Variants in MAU2 observed in about 807,000 individuals in gnomAD.
The protein encoded by MAU2 is MAU2 sister chromatid cohesion factor, also known as MAU2 chromatid cohesion factor homolog.
MAU2 carries 9 observed loss-of-function variants against 89.1 expected under a neutral mutation model. That is an observed-to-expected ratio of 0.10 (90% CI 0.06 to 0.18). The LOEUF is 0.18. Ranked by LOEUF, MAU2 falls within the 10% of genes least tolerant of loss-of-function variation. The probability of loss-of-function intolerance (pLI) is 1.00; values close to 1 mark genes in which losing one functional copy is unlikely to be tolerated. For synonymous variants in MAU2, 357 were observed against 343.4 expected (o/e 1.04, Z -0.44); for missense variants, 425 against 803.5 (o/e 0.53, Z 5.69).
At chr19:19,325,899 T>C (rs959583324) in intron 1 of MAU2, among the ~76,000 whole-genome samples, 1 of 152,180 alleles carries the variant, frequency 6.6e-6, no homozygotes, top group Non-Finnish European at 1.5e-5. Flanking sequence ...TCTTTTGCTT[T>C]CTCTCTAAGA....
At chr19:19,342,138 A>G (rs1446020148) in intron 7 of MAU2, among the ~76,000 whole-genome samples, 1 of 152,106 alleles carries the variant, frequency 6.6e-6, no homozygotes, top group Non-Finnish European at 1.5e-5. Flanking sequence ...CCTCAGGGCG[A>G]GATGGACCAC....
intron 1 of MAU2, among the ~76,000 whole-genome samples, chr19:19,321,337 C>A (rs531424155): frequency 1.3e-5 from 2 of 152,316 alleles, no homozygotes; most frequent in East Asian, 1.9e-4. Flanking sequence ...TCGCCCCCCA[C>A]GCCTTATTTC....
At chr19:19,351,184 G>A (rs1434714359) in intron 16 of MAU2, among the ~76,000 whole-genome samples, 1 of 151,886 alleles carries the variant, frequency 6.6e-6, no homozygotes, top group African/African-American at 2.4e-5. Context: ...CAAGTAGCTG[G>A]GGCCACAGGT....
At chr19:19,324,826 T>C (rs1020901073) in intron 1 of MAU2, among the ~76,000 whole-genome samples, 14 of 152,350 alleles carry the variant, frequency 9.2e-5, no homozygotes, top group South Asian at 2.1e-4. Context: ...TTAGTTAAAG[T>C]AATGTTTTCT....
chr19:19,342,630 T>G lies in MAU2; in HGVS notation c.831T>G (p.Ala277=). The stretch of plus-strand genomic sequence containing the variant: ...ATGAGATCCTGCCCAGCAACCCCGC[T>G]GACCTCTTCCACTGGCTGCCCAAGG... The part of the protein sequence containing the change: ...HDDEILPSNP[A]DLFHWLPKEH... Residue 277 remains alanine, a synonymous_variant, in exon 8 of 19, where the codon GCT becomes GCG. Transcript: ENST00000262815. The G allele has an allele frequency of 6.2e-7, 1 of 1,613,446 alleles. No homozygotes were observed. The highest frequency in any genetic ancestry group is 8.5e-7 in the Non-Finnish European group (1 of 1,179,654).
At chr19:19,347,917 C>T (rs532868737) in intron 13 of MAU2, 1 of 152,990 alleles carries the variant, frequency 6.5e-6, no homozygotes, top group Non-Finnish European at 1.5e-5. Flanking sequence ...CCGGGATCCC[C>T]TCCTCAGCCC....
chr19:19,327,753 G>A (rs962808051), intron 1 of MAU2, among the ~76,000 whole-genome samples: 2 of 152,054 alleles, frequency 1.3e-5, no homozygotes, highest in Non-Finnish European at 2.9e-5. Flanking sequence ...CAGAACACCT[G>A]CCGGCCGCCT....
Position 19,355,858 on chromosome 19 carries a change from C to T in MAU2, c.*76C>T. 7.5e-7 allele frequency: 1 copy of T among 1,333,412 alleles called. No homozygotes were observed. Among genetic ancestry groups the T allele is most frequent in the Non-Finnish European group, 1.1e-6 (1 of 938,230 alleles). The allele number at this position is 1,333,412 out of a possible 1,614,324, so 82.6% of individuals were successfully genotyped here. ...CACCCAGACGGCACTCAAGCCTGCC[C>T]CCGAGGCGTGCTTCCTTCCTGATTG... On this transcript the variant is annotated 3_prime_UTR_variant, in exon 19 of 19. Coordinates refer to ENST00000262815, the MANE Select transcript of MAU2 (RefSeq NM_015329.4).
chr19:19,326,669 G>A (rs1201168337), intron 1 of MAU2, among the ~76,000 whole-genome samples: 1 of 83,428 alleles, frequency 1.2e-5, no homozygotes, highest in Non-Finnish European at 2.8e-5. Flanking sequence ...CTGGGCGAAA[G>A]AGCGAGACTG....
At chr19:19,336,082 T>C (rs1318727014) in intron 2 of MAU2, 40 bp from the exon 3 acceptor site, 5 of 1,530,622 alleles carry the variant, frequency 3.3e-6, no homozygotes, top group South Asian at 1.1e-5. Context: ...AAACCGACCT[T>C]TTTCGCAGTG....
chr19:19,346,235 C>T (rs2061692088), intron 12 of MAU2, among the ~76,000 whole-genome samples: 1 of 152,152 alleles, frequency 6.6e-6, no homozygotes, highest in Non-Finnish European at 1.5e-5. Context: ...TCTGCCTCCT[C>T]ACCTCGCTCC....
chr19:19,344,680 T>G (rs1228538584), intron 10 of MAU2, 169 bp from the exon 11 acceptor site: 2 of 634,970 alleles, frequency 3.1e-6, no homozygotes, highest in African/African-American at 3.6e-5. Context: ...CACGATGGGA[T>G]CTGGGCTGCC....
chr19:19,349,470 G>T, intron 16 of MAU2, 34 bp downstream of exon 16: 7 of 1,585,154 alleles, frequency 4.4e-6, no homozygotes, highest in Non-Finnish European at 5.2e-6. Flanking sequence ...TCGCTTGGGT[G>T]CCTGTGGGGC....
chr19:19,347,684 T>C (rs2061705221), intron 13 of MAU2: 2 of 236,552 alleles, frequency 8.5e-6, no homozygotes, highest in Admixed American at 5.3e-5. Flanking sequence ...CGGCCAGGCA[T>C]TGAGGCTCAG....
chr19:19,326,693 T>A lies in MAU2; in HGVS notation c.276+5558T>A, dbSNP rs563748385. Among the ~76,000 whole-genome samples, 123 of 102,586 alleles carry A rather than the reference T, an allele frequency of 1.2e-3. 1 individual carries two copies. The highest frequency in any genetic ancestry group is 3.5e-3 in the African/African-American group (112 of 32,158). The allele number at this position is 102,586 out of a possible 152,430, so 67.3% of individuals were successfully genotyped here. A position where few individuals can be genotyped will look rare whatever the true frequency, so the allele number is the denominator to read the frequency against. On this transcript the variant is annotated intron_variant, in intron 1 of 18. Transcript: ENST00000262815. ...AGAGCGAGACTGTCTCAAAAAAAAATATATATATGTATATATATATATATA... is the reference window on the plus strand; with the variant it reads ...AGAGCGAGACTGTCTCAAAAAAAAAAATATATATGTATATATATATATATA...
intron 1 of MAU2, among the ~76,000 whole-genome samples, chr19:19,328,508 G>A (rs1004664146): frequency 6.6e-6 from 1 of 150,420 alleles, no homozygotes; most frequent in Non-Finnish European, 1.5e-5. Context: ...TGCAAGCTCC[G>A]TCTCCCGGGT....
chr19:19,329,110 C>T (rs1353327526), intron 1 of MAU2: 2 of 455,922 alleles, frequency 4.4e-6, no homozygotes, highest in Non-Finnish European at 8.8e-6. Context: ...TTCCTTTTCT[C>T]TTAAGACCCA....
chr19:19,337,572 T>A (rs1599905053), intron 4 of MAU2, among the ~76,000 whole-genome samples: 2 of 152,098 alleles, frequency 1.3e-5, no homozygotes, highest in Non-Finnish European at 2.9e-5. Flanking sequence ...GTCTTTGGGT[T>A]CCCCTCCCTC....
Position 19,349,096 on chromosome 19 carries a change from G to A in MAU2, c.1359-59G>A, listed in dbSNP as rs139539958. 1.3e-3 allele frequency: 2,110 copies of A among 1,602,948 alleles called. 5 individuals carry two copies. Among genetic ancestry groups the A allele is most frequent in the Middle Eastern group, 0.01 (63 of 6,046 alleles). On this transcript the variant is annotated intron_variant, in intron 14 of 18. Coordinates refer to ENST00000262815, the MANE Select transcript of MAU2 (RefSeq NM_015329.4). ...AAATAGCCCCCAGCTGCCCACTGCC[G>A]TTTTGTAAACCTGCTTCTCAAAATC... is the stretch of plus-strand genomic sequence containing the variant.
Sources: allele counts gnomAD v4.1 joint callset (sites outside exome capture counted in the v4.1 genomes callset), GRCh38; gene constraint gnomAD v4.1.1; transcripts MANE v1.5; gene names NCBI Gene and HGNC (gene_info 2026-07-23, HGNC 2026-07-21).